Variants in GSDMC observed in about 807,000 individuals in gnomAD.
GSDMC encodes gasdermin-C.
In GSDMC, 59 loss-of-function variants were observed where a neutral mutation model predicts 58.0. That is an observed-to-expected ratio of 1.02 (90% CI 0.82 to 1.26). The LOEUF is 1.26. GSDMC is among the 50% of genes most tolerant of loss of function. GSDMC has a pLI of 0.00. For missense variants in GSDMC, 659 were observed against 598.5 expected (o/e 1.10, Z -1.06); for synonymous variants, 241 against 220.2 (o/e 1.09, Z -0.83).
intron 1 of GSDMC, among the ~76,000 whole-genome samples, chr8:129,777,919 C>T (rs529533553): frequency 2.2e-4 from 33 of 152,224 alleles, no homozygotes; most frequent in South Asian, 4.2e-4. Context: ...ATTTGGGCTT[C>T]TGACAGGCAC....
the GSDMC span, among the ~76,000 whole-genome samples, chr8:129,718,502 G>C: frequency 1.3e-5 from 2 of 152,196 alleles, no homozygotes; most frequent in South Asian, 2.1e-4. Flanking sequence ...ACACCAGGTA[G>C]AACGGTGATT....
chr8:129,723,035 C>T, the GSDMC span: 1 of 152,182 alleles, frequency 6.6e-6, no homozygotes, highest in Non-Finnish European at 1.5e-5. Context: ...AAAGCAAACA[C>T]CAAAAACATT....
intron 3 of GSDMC, among the ~76,000 whole-genome samples, chr8:129,772,260 C>CAAAAAAAAAAAAAAA (rs1161238758): frequency 1.1e-5 from 1 of 94,312 alleles, no homozygotes. Context: ...GACTCCGTCT[C>CAAAAAAAAAAAAAAA]AAAAAAAAAA....
intron 6 of GSDMC, among the ~76,000 whole-genome samples, chr8:129,757,671 G>A (rs781206460): frequency 1.5e-4 from 23 of 152,026 alleles, no homozygotes; most frequent in Non-Finnish European, 2.1e-4. Context: ...CAAAATACTA[G>A]CAAACCGAAT....
Position 129,762,732 on chromosome 8 carries a change from C to T in GSDMC, c.571-1G>A. 1 of 1,602,150 alleles carries T rather than the reference C, an allele frequency of 6.2e-7. No individual in the cohort carries two copies. The highest frequency in any genetic ancestry group is 8.6e-7 in the Non-Finnish European group (1 of 1,169,036). ...TGAGACTCTCTCCTTGGCCTTGACC[C>T]TGGGGAGAGAAACCAGACAATACAG... On this transcript the variant is annotated splice_acceptor_variant, in intron 4 of 13. Coordinates refer to ENST00000276708, the MANE Select transcript of GSDMC (RefSeq NM_031415.3). LOFTEE classifies it high-confidence loss of function.
the GSDMC span, among the ~76,000 whole-genome samples, chr8:129,721,341 T>A: frequency 5.3e-5 from 8 of 152,296 alleles, no homozygotes; most frequent in South Asian, 2.1e-4. Context: ...CAAATCATTT[T>A]CCTGACTTCT....
intron 3 of GSDMC, among the ~76,000 whole-genome samples, chr8:129,767,257 G>T (rs937563383): frequency 4.0e-5 from 6 of 151,734 alleles, no homozygotes; most frequent in Admixed American, 3.3e-4. Context: ...CAACAACTCT[G>T]CCCAGCCTCA....
At chr8:129,744,565 A>G (rs1017484586), downstream of GSDMC, among the ~76,000 whole-genome samples, 1 of 152,254 alleles carries the variant, frequency 6.6e-6, no homozygotes, top group African/African-American at 2.4e-5. Flanking sequence ...TCATTCATGC[A>G]GAAGTAAAAA....
At chr8:129,729,237 G>A in the GSDMC span, 1 of 637,758 alleles carries the variant, frequency 1.6e-6, no homozygotes, top group Non-Finnish European at 3.0e-6. Context: ...TATTTTCCAA[G>A]TGAAATAGGT....
At chr8:129,732,448 C>T in the GSDMC span, among the ~76,000 whole-genome samples, 1 of 151,826 alleles carries the variant, frequency 6.6e-6, no homozygotes, top group Admixed American at 6.6e-5. Context: ...AAACTCCTAC[C>T]CACACTAAAA....
chr8:129,785,927 C>T (rs1415781727), intron 1 of GSDMC, 84 bp downstream of exon 1: 1 of 152,194 alleles, frequency 6.6e-6, no homozygotes, highest in Non-Finnish European at 1.5e-5. Context: ...CTCTTCGACT[C>T]ATTTCACAAA....
At chr8:129,707,219 A>T in the GSDMC span, 1 of 152,084 alleles carries the variant, frequency 6.6e-6, no homozygotes, top group Non-Finnish European at 1.5e-5. Context: ...CAGATAAGTA[A>T]TGTGGCTGGT....
the GSDMC span, among the ~76,000 whole-genome samples, chr8:129,738,766 G>T: frequency 6.6e-6 from 1 of 152,022 alleles, no homozygotes; most frequent in African/African-American, 2.4e-5. Context: ...TAACAAACCT[G>T]CACGTTGTGC....
chr8:129,760,496 A>C lies in GSDMC; in HGVS notation c.721+49T>G, dbSNP rs146599308. On this transcript the variant is annotated intron_variant, in intron 6 of 13. Transcript: ENST00000276708. Reference sequence around the variant, plus strand: ...TACCTTATAAATATACATACCTCCCATGTACTCATAAAAATAAAAAAATAA... The same window carrying C: ...TACCTTATAAATATACATACCTCCCCTGTACTCATAAAAATAAAAAAATAA... 4.4e-4 allele frequency: 460 copies of C among 1,045,870 alleles called. 6 individuals are homozygous for C. The African/African-American group carries it at 5.2e-3, about 12-fold the overall frequency. The allele number at this position is 1,045,870 out of a possible 1,614,324, so 64.8% of individuals were successfully genotyped here.
At chr8:129,763,834 C>T (rs922651305) in intron 4 of GSDMC, among the ~76,000 whole-genome samples, 1 of 152,184 alleles carries the variant, frequency 6.6e-6, no homozygotes, top group Admixed American at 6.5e-5. Context: ...CCTGCAAGAG[C>T]CTCCCAAAGT....
At chr8:129,711,033 C>T in the GSDMC span, among the ~76,000 whole-genome samples, 54 of 152,240 alleles carry the variant, frequency 3.5e-4, no homozygotes, top group Non-Finnish European at 3.7e-4. Flanking sequence ...AGGTCTAGGA[C>T]GGATGCCTTT....
the GSDMC span, among the ~76,000 whole-genome samples, chr8:129,709,697 A>T: frequency 1.3e-5 from 2 of 152,124 alleles, no homozygotes; most frequent in African/African-American, 4.8e-5. Context: ...GGCTCTCTGC[A>T]TTATCTGACC....
At chr8:129,762,583 C>G (rs1318398428) in intron 5 of GSDMC, 43 bp downstream of exon 5, 2 of 1,145,410 alleles carry the variant, frequency 1.7e-6, no homozygotes, top group East Asian at 4.7e-5. Flanking sequence ...AAGCAGACAC[C>G]CCCTCCACTG....
intron 1 of GSDMC, among the ~76,000 whole-genome samples, chr8:129,782,786 A>G (rs961857684): frequency 1.3e-5 from 2 of 150,668 alleles, no homozygotes; most frequent in Non-Finnish European, 3.0e-5. Context: ...ACATTTAAAG[A>G]AGAACTAATA....
Sources: allele counts gnomAD v4.1 joint callset (sites outside exome capture counted in the v4.1 genomes callset), GRCh38; gene constraint gnomAD v4.1.1; transcripts MANE v1.5; gene names NCBI Gene and HGNC (gene_info 2026-07-23, HGNC 2026-07-21).